ZDHHC14: variants seen among roughly 807,000 people sequenced by gnomAD.
ZDHHC14 encodes zDHHC palmitoyltransferase 14.
In ZDHHC14, 16 loss-of-function variants were observed where a neutral mutation model predicts 47.7. The ratio of observed to expected loss-of-function variants is 0.34; its 90% CI spans 0.23 to 0.51. The LOEUF is 0.51. Among genes scored for constraint, ZDHHC14 ranks in the 20% least tolerant of loss-of-function variants. The probability of loss-of-function intolerance (pLI) is 0.97; values close to 1 mark genes in which losing one functional copy is unlikely to be tolerated. For missense variants in ZDHHC14, 515 were observed against 662.5 expected, an observed-to-expected ratio of 0.78 and a Z score of 2.44; for synonymous variants, 293 against 278.9, an observed-to-expected ratio of 1.05 and a Z score of -0.50.
chr6:157,381,919 G>T lies in ZDHHC14; in HGVS notation c.-103G>T, dbSNP rs1449262781. The T allele has an allele frequency of 1.5e-5, 14 of 954,510 alleles. No individual in the cohort carries two copies. Among genetic ancestry groups the T allele is most frequent in the Admixed American group, 6.4e-5 (1 of 15,534 alleles). 59.1% of individuals were successfully genotyped at this position (954,510 alleles called of 1,614,324 possible). ...CCCGTGTAGGGGCCGCGGCGCCGCG[G>T]CTCGGGGGGCGGCCGGGCGGCCGGC... On this transcript the variant is annotated 5_prime_UTR_variant, in exon 1 of 9. Coordinates refer to ENST00000359775, the MANE Select transcript of ZDHHC14 (RefSeq NM_024630.3).
At chr6:157,480,202 C>T (rs920481428) in intron 1 of ZDHHC14, among the ~76,000 whole-genome samples, 16 of 148,928 alleles carry the variant, frequency 1.1e-4, no homozygotes, top group African/African-American at 3.0e-4. Context: ...CTGTCCTTGG[C>T]GATGCTAGAT....
intron 1 of ZDHHC14, among the ~76,000 whole-genome samples, chr6:157,486,308 T>G (rs761853233): frequency 1.3e-5 from 2 of 152,178 alleles, no homozygotes; most frequent in Non-Finnish European, 2.9e-5. Flanking sequence ...ATGGCTTCAG[T>G]ATTTCAATTC....
chr6:157,535,285 G>A (rs1027129306), intron 1 of ZDHHC14, among the ~76,000 whole-genome samples: 2 of 152,188 alleles, frequency 1.3e-5, no homozygotes, highest in Non-Finnish European at 2.9e-5. Flanking sequence ...AGACATCCCT[G>A]TTTAACTCTG....
chr6:157,591,262 C>G (rs1404239175), intron 2 of ZDHHC14, among the ~76,000 whole-genome samples: 1 of 152,038 alleles, frequency 6.6e-6, no homozygotes, highest in African/African-American at 2.4e-5. Flanking sequence ...TTGGGAGGGG[C>G]CAGGGGCAGA....
intron 1 of ZDHHC14, among the ~76,000 whole-genome samples, chr6:157,409,953 C>G (rs556685776): frequency 6.6e-6 from 1 of 152,062 alleles, no homozygotes; most frequent in East Asian, 1.9e-4. Context: ...CTCAGCCTCC[C>G]GAGTAGCTGG....
chr6:157,465,478 T>TC (rs904761829), intron 1 of ZDHHC14, among the ~76,000 whole-genome samples: 2 of 151,798 alleles, frequency 1.3e-5, no homozygotes, highest in African/African-American at 4.8e-5. Flanking sequence ...CAATGCATTC[T>TC]CCCCAGGAAC....
intron 4 of ZDHHC14, chr6:157,629,893 G>A (rs1785601507): frequency 1.3e-5 from 2 of 152,234 alleles, no homozygotes; most frequent in South Asian, 2.1e-4. Context: ...GGCATTATAT[G>A]TTATTTTCAA....
intron 4 of ZDHHC14, chr6:157,630,490 TCACA>T (rs1002561365): frequency 2.6e-5 from 4 of 151,682 alleles, no homozygotes; most frequent in Non-Finnish European, 5.9e-5. Context: ...CTAGCCACAC[TCACA>T]CTCATATATA....
rs530698269 is a variant in ZDHHC14 at position 157,430,058 on chromosome 6, C to T, written c.245+47792C>T. Among the ~76,000 whole-genome samples the T allele has an allele frequency of 5.3e-5, 8 of 152,186 alleles. No homozygotes were observed. The South Asian group carries it at 1.2e-3, about 24-fold the overall frequency. ...CCACAAATTTAATGGCTTAAAATAG[C>T]ACACATTTATCACTTTGGGAGGCCG... On this transcript the variant is annotated intron_variant, in intron 1 of 8. Transcript: ENST00000359775.
Position 157,674,596 on chromosome 6 carries a change from C to T in ZDHHC14, c.*1474C>T, listed in dbSNP as rs1174390187. 2 of 152,140 alleles carry T rather than the reference C, an allele frequency of 1.3e-5. No individual in the cohort carries two copies. Among genetic ancestry groups the T allele is most frequent in the Non-Finnish European group, 2.9e-5 (2 of 68,020 alleles). The allele number at this position is 152,140 out of a possible 1,614,324, so 9.4% of individuals were successfully genotyped here. ...CAAGTTCAAAGCCATGGCCTTGCTCCTTATAACCATATGAAAGACAAGACA... is the reference window on the plus strand; with the variant it reads ...CAAGTTCAAAGCCATGGCCTTGCTCTTTATAACCATATGAAAGACAAGACA... On this transcript the variant is annotated 3_prime_UTR_variant, in exon 9 of 9. Transcript: ENST00000359775.
intron 1 of ZDHHC14, among the ~76,000 whole-genome samples, chr6:157,520,315 G>A (rs1582879913): frequency 6.6e-6 from 1 of 152,278 alleles, no homozygotes; most frequent in East Asian, 1.9e-4. Flanking sequence ...AGCTGTCCTG[G>A]CTTCTAAGTT....
intron 1 of ZDHHC14, among the ~76,000 whole-genome samples, chr6:157,402,661 T>C (rs1777668233): frequency 6.6e-6 from 1 of 152,216 alleles, no homozygotes; most frequent in East Asian, 1.9e-4. Flanking sequence ...TTGAGAAAAG[T>C]GATGGGCAGG....
intron 1 of ZDHHC14, among the ~76,000 whole-genome samples, chr6:157,531,034 G>A (rs1408314977): frequency 6.6e-6 from 1 of 151,902 alleles, no homozygotes; most frequent in Non-Finnish European, 1.5e-5. Flanking sequence ...TAGCTCAGAG[G>A]AGCGCTGTCA....
intron 3 of ZDHHC14, among the ~76,000 whole-genome samples, chr6:157,595,285 C>T (rs574986774): frequency 4.1e-5 from 6 of 144,708 alleles, no homozygotes; most frequent in Non-Finnish European, 6.0e-5. Flanking sequence ...CTCCACCTCC[C>T]GGATTCAAAC....
At chr6:157,491,439 A>G (rs1023847490) in intron 1 of ZDHHC14, among the ~76,000 whole-genome samples, 3 of 152,232 alleles carry the variant, frequency 2.0e-5, no homozygotes, top group African/African-American at 7.2e-5. Flanking sequence ...ATAAATATTT[A>G]TGGAATGATT....
At chr6:157,426,960 T>G (rs1454644958) in intron 1 of ZDHHC14, among the ~76,000 whole-genome samples, 1 of 152,124 alleles carries the variant, frequency 6.6e-6, no homozygotes, top group Non-Finnish European at 1.5e-5. Flanking sequence ...ACGGCCTTTC[T>G]ATAAAAGGCA....
At chr6:157,404,883 T>C (rs1295109070) in intron 1 of ZDHHC14, among the ~76,000 whole-genome samples, 1 of 152,188 alleles carries the variant, frequency 6.6e-6, no homozygotes, top group Admixed American at 6.5e-5. Flanking sequence ...TATTTTCTTA[T>C]TAGGAGTTAA....
In ZDHHC14 at chr6:157,629,818, G is replaced by A. The variant is rs1386791065; in HGVS notation, c.703+1332G>A. 3 of 152,196 alleles carry A rather than the reference G, an allele frequency of 2.0e-5. No individual in the cohort carries two copies. In the East Asian group the frequency reaches 5.8e-4, roughly 29 times the overall value. The allele number at this position is 152,196 out of a possible 1,614,324, so 9.4% of individuals were successfully genotyped here. ...CCTCTATTTTCAAAGTCCTCAAAAT[G>A]GCAAAAATGTGGCTAGGGTCCTATC... On this transcript the variant is annotated intron_variant, in intron 4 of 8. Coordinates refer to ENST00000359775, the MANE Select transcript of ZDHHC14 (RefSeq NM_024630.3).
At chr6:157,510,498 T>A (rs1381188217) in intron 1 of ZDHHC14, among the ~76,000 whole-genome samples, 1 of 152,144 alleles carries the variant, frequency 6.6e-6, no homozygotes, top group African/African-American at 2.4e-5. Context: ...CTAGGCCATG[T>A]CTTACCAAGT....
Sources: allele counts gnomAD v4.1 joint callset (sites outside exome capture counted in the v4.1 genomes callset), GRCh38; gene constraint gnomAD v4.1.1; transcripts MANE v1.5; gene names NCBI Gene and HGNC (gene_info 2026-07-23, HGNC 2026-07-21).